The following RIMS2 variants were observed in gnomAD, a reference collection of about 807,000 sequenced individuals.
RIMS2 encodes regulating synaptic membrane exocytosis 2, also known as regulating synaptic membrane exocytosis protein 2.
In RIMS2, 59 loss-of-function variants were observed where a neutral mutation model predicts 174.4. The observed-to-expected ratio is 0.34, with a 90% CI of 0.27 to 0.42. The LOEUF (loss-of-function observed/expected upper bound fraction) is 0.42. RIMS2 is among the 10% of genes least tolerant of loss of function. RIMS2 has a pLI of 1.00. For missense variants in RIMS2, 1,620 were observed against 1,666.3 expected, an observed-to-expected ratio of 0.97 and a Z score of 0.48; for synonymous variants, 606 against 572.5, an observed-to-expected ratio of 1.06 and a Z score of -0.84.
intron 1 of RIMS2, among the ~76,000 whole-genome samples, chr8:103,503,083 T>C (rs796340706): frequency 1.5e-4 from 23 of 152,082 alleles, no homozygotes; most frequent in African/African-American, 5.1e-4. Context: ...TAAATACATA[T>C]TCATACAATC....
At chr8:103,583,956 A>T (rs1365285) in intron 1 of RIMS2, among the ~76,000 whole-genome samples, 2 of 152,254 alleles carry the variant, frequency 1.3e-5, no homozygotes, top group African/African-American at 4.8e-5. Flanking sequence ...TATTATATCC[A>T]AGTACAAGAA....
intron 19 of RIMS2, among the ~76,000 whole-genome samples, chr8:104,087,198 T>C (rs1419083647): frequency 2.0e-5 from 3 of 152,114 alleles, no homozygotes; most frequent in Non-Finnish European, 4.4e-5. Context: ...CAGATAAAGC[T>C]AAATCATTCC....
chr8:104,025,732 C>G (rs1016801189), intron 19 of RIMS2, among the ~76,000 whole-genome samples: 5 of 151,726 alleles, frequency 3.3e-5, no homozygotes, highest in East Asian at 1.9e-4. Flanking sequence ...CACACACACA[C>G]AGTAATGTAC....
exon 1 of RIMS2, chr8:103,500,760 G>T: frequency 1.7e-6 from 1 of 572,032 alleles, no homozygotes; most frequent in South Asian, 2.3e-5. Context: ...TGTCGCCTTG[G>T]ATTGAAGGCC....
chr8:104,117,705 T>G (rs1008922430), intron 19 of RIMS2, among the ~76,000 whole-genome samples: 1 of 152,216 alleles, frequency 6.6e-6, no homozygotes, highest in Non-Finnish European at 1.5e-5. Context: ...TTACATTTTC[T>G]ATTTGTTTAT....
chr8:104,251,209 T>A (rs752506662), intron 23 of RIMS2, 46 bp downstream of exon 29: 1 of 1,490,024 alleles, frequency 6.7e-7, no homozygotes, highest in African/African-American at 1.4e-5. Flanking sequence ...GTATTTTTCA[T>A]GGGGTCAGAC....
chr8:103,711,819 C>A (rs2097307029), intron 2 of RIMS2, among the ~76,000 whole-genome samples: 1 of 151,904 alleles, frequency 6.6e-6, no homozygotes, highest in African/African-American at 2.4e-5. Context: ...ATCGCTTGAG[C>A]CTGGGAGGCG....
chr8:104,018,843 G>A (rs1160090078), intron 19 of RIMS2, among the ~76,000 whole-genome samples: 1 of 151,878 alleles, frequency 6.6e-6, no homozygotes, highest in Admixed American at 6.6e-5. Context: ...CTTCATCCCA[G>A]TTCAATATTA....
At position 104,217,409 on chromosome 8, in the gene RIMS2, C is replaced by T. The variant is rs910810465; in HGVS notation, c.3335-27507C>T. Among the ~76,000 whole-genome samples the T allele has an allele frequency of 3.2e-4, 48 of 152,054 alleles. 1 individual carries two copies. The highest frequency in any genetic ancestry group is 2.9e-3 in the Admixed American group (45 of 15,262). On this transcript the variant is annotated intron_variant, in intron 19 of 23. Transcript: ENST00000504942. ...TCAGCTCCCCAAGTAGCTGGGACTA[C>T]AGGCACGCACCACCACACCTGGCTA... is the stretch of plus-strand genomic sequence containing the variant.
At chr8:103,884,402 T>G (rs1256330023) in intron 3 of RIMS2, among the ~76,000 whole-genome samples, 1 of 151,930 alleles carries the variant, frequency 6.6e-6, no homozygotes, top group Non-Finnish European at 1.5e-5. Context: ...TCATGATTAA[T>G]AGTTGATATT....
intron 12 of RIMS2, among the ~76,000 whole-genome samples, chr8:103,932,551 G>T (rs1368821023): frequency 6.6e-6 from 1 of 152,148 alleles, no homozygotes; most frequent in Non-Finnish European, 1.5e-5. Flanking sequence ...TTTGGAGAGA[G>T]ATACATGTGG....
intron 3 of RIMS2, among the ~76,000 whole-genome samples, chr8:103,801,899 C>T (rs570906128): frequency 6.6e-6 from 1 of 152,208 alleles, no homozygotes; most frequent in African/African-American, 2.4e-5. Flanking sequence ...TTGAGCAAGA[C>T]ACTACTTATT....
At chr8:103,863,594 G>GTT (rs149904696) in intron 3 of RIMS2, among the ~76,000 whole-genome samples, 11 of 148,278 alleles carry the variant, frequency 7.4e-5, no homozygotes, top group Admixed American at 2.0e-4. Flanking sequence ...ATTGTTGGAA[G>GTT]TTTTTTTTTT....
chr8:103,728,004 T>A (rs2097544654), intron 2 of RIMS2, among the ~76,000 whole-genome samples: 1 of 152,216 alleles, frequency 6.6e-6, no homozygotes, highest in South Asian at 2.1e-4. Context: ...GGGATTTCAT[T>A]GAATCTGTCA....
At chr8:103,816,040 G>A (rs2098716165) in intron 3 of RIMS2, among the ~76,000 whole-genome samples, 1 of 152,150 alleles carries the variant, frequency 6.6e-6, no homozygotes, top group African/African-American at 2.4e-5. Flanking sequence ...TCTGACAGAA[G>A]TCTCCAATAT....
At chr8:104,123,762 G>A (rs1428453793) in intron 19 of RIMS2, among the ~76,000 whole-genome samples, 1 of 152,004 alleles carries the variant, frequency 6.6e-6, no homozygotes, top group Admixed American at 6.6e-5. Context: ...ATGGGCAAAT[G>A]TTTAAAATGC....
In RIMS2 at chr8:103,551,241, C is replaced by T. The variant is rs1847749496; in HGVS notation, c.176+50179C>T. ...CTGAATCCAGCAGCACATCAAAAAG[C>T]TTATCCACCACGATCAAGTGGGCTT... On this transcript the variant is annotated intron_variant, in intron 1 of 23. Coordinates refer to ENST00000504942, the Ensembl canonical transcript of RIMS2. Among the ~76,000 whole-genome samples, 3 of 152,148 alleles carry T rather than the reference C, an allele frequency of 2.0e-5. No homozygotes were observed. In the South Asian group the frequency reaches 6.2e-4, roughly 32 times the overall value.
intron 1 of RIMS2, among the ~76,000 whole-genome samples, chr8:103,569,807 G>A (rs1043522003): frequency 4.2e-5 from 6 of 141,634 alleles, no homozygotes; most frequent in Non-Finnish European, 9.2e-5. Flanking sequence ...TTTTTTTTTG[G>A]CAGAGACAGG....
At chr8:103,898,639 A>C (rs1184916168) in intron 4 of RIMS2, among the ~76,000 whole-genome samples, 1 of 151,514 alleles carries the variant, frequency 6.6e-6, no homozygotes, top group African/African-American at 2.4e-5. Context: ...CTTATTTTTT[A>C]TGTAATTTTC....
Sources: gnomAD v4.1 joint callset for allele counts (sites outside exome capture counted in the v4.1 genomes callset) on GRCh38, gnomAD v4.1.1 for gene constraint, MANE v1.5 for transcripts, NCBI Gene and HGNC (gene_info 2026-07-23, HGNC 2026-07-21) for gene names.